RANBP17: variants seen among roughly 807,000 people sequenced by gnomAD.
RANBP17 encodes ran-binding protein 17.
In RANBP17, 158 loss-of-function variants were observed where a neutral mutation model predicts 141.2. The ratio of observed to expected loss-of-function variants is 1.12; its 90% CI spans 0.98 to 1.28. The LOEUF (loss-of-function observed/expected upper bound fraction) is 1.28, where lower values mean the gene tolerates loss of function less well. RANBP17 is among the 50% of genes most tolerant of loss of function. The probability of loss-of-function intolerance (pLI) is 0.00; values close to 1 mark genes in which losing one functional copy is unlikely to be tolerated. For missense variants in RANBP17, 1,438 were observed against 1,290.7 expected (o/e 1.11, Z -1.75); for synonymous variants, 430 against 450.0 (o/e 0.96, Z 0.56).
At chr5:171,157,130 T>C (rs938715876) in intron 14 of RANBP17, among the ~76,000 whole-genome samples, 1 of 152,206 alleles carries the variant, frequency 6.6e-6, no homozygotes, top group Non-Finnish European at 1.5e-5. Flanking sequence ...TCTTCAGCAT[T>C]GGCTGTTGTG....
At chr5:170,973,649 A>G (rs200898436) in intron 14 of RANBP17, among the ~76,000 whole-genome samples, 2 of 25,630 alleles carry the variant, frequency 7.8e-5, no homozygotes, top group African/African-American at 1.4e-4. Flanking sequence ...ACTTCACAGA[A>G]GAAGAAATCA....
chr5:170,923,041 T>C (rs1316095835), intron 11 of RANBP17, among the ~76,000 whole-genome samples: 1 of 152,208 alleles, frequency 6.6e-6, no homozygotes, highest in Non-Finnish European at 1.5e-5. Flanking sequence ...ATTTTTTCTT[T>C]TATGTATTAT....
At position 171,296,066 on chromosome 5, in the gene RANBP17, G is replaced by A. The variant is rs368780187; in HGVS notation, c.3170+52G>A. ...TGGGGGAAGTAGACATTCCAGGTTT[G>A]TTGAAAATAACTCTCTCGTGCTTGA... On this transcript the variant is annotated intron_variant, in intron 27 of 27. Transcript: ENST00000523189. The A allele has an allele frequency of 4.4e-6, 7 of 1,579,584 alleles. No homozygotes were observed. The African/African-American group carries it at 9.4e-5, about 21-fold the overall frequency.
At chr5:171,052,721 A>T (rs191777459) in intron 14 of RANBP17, among the ~76,000 whole-genome samples, 1 of 152,310 alleles carries the variant, frequency 6.6e-6, no homozygotes, top group East Asian at 1.9e-4. Flanking sequence ...ATTGCAAATG[A>T]ATTTGAACAT....
intron 24 of RANBP17, among the ~76,000 whole-genome samples, chr5:171,247,994 A>T (rs1459525995): frequency 6.6e-6 from 1 of 152,220 alleles, no homozygotes; most frequent in East Asian, 1.9e-4. Context: ...CCTCTCCCAA[A>T]AGAAGAACCA....
rs1772751548 is a variant in RANBP17 at position 170,924,484 on chromosome 5, G to T, written c.1402G>T (p.Ala468Ser). 6.2e-7 allele frequency: 1 copy of T among 1,613,140 alleles called. No individual in the cohort carries two copies. The highest frequency in any genetic ancestry group is 1.3e-5 in the African/African-American group (1 of 75,028). Reference sequence around the variant, plus strand: ...TCTTGTGCAGTTATTCGACCAAAATGCACAGAATTACCAAAAACTTCTGCA... The same window carrying T: ...TCTTGTGCAGTTATTCGACCAAAATTCACAGAATTACCAAAAACTTCTGCA... ...ALLVQLFDQN[A>S]QNYQKLLHPY... Residue 468 changes from alanine (A) to serine (S), a missense_variant, in exon 12 of 28, where the codon GCA becomes TCA. Transcript: ENST00000523189.
intron 1 of RANBP17, among the ~76,000 whole-genome samples, chr5:170,875,298 T>C (rs531678883): frequency 1.3e-5 from 2 of 152,264 alleles, no homozygotes; most frequent in African/African-American, 4.8e-5. Flanking sequence ...ATCTAATGAT[T>C]ATGTGTCTTG....
chr5:170,960,468 A>G (rs1776050475), intron 13 of RANBP17, among the ~76,000 whole-genome samples: 1 of 152,164 alleles, frequency 6.6e-6, no homozygotes, highest in Non-Finnish European at 1.5e-5. Context: ...TCTCTTCATC[A>G]TACACTCAGT....
intron 14 of RANBP17, chr5:171,161,609 A>G (rs1426724590): frequency 1.1e-5 from 2 of 175,718 alleles, no homozygotes; most frequent in African/African-American, 4.7e-5. Flanking sequence ...CTTTTTATGC[A>G]TTATATAATT....
intron 25 of RANBP17, among the ~76,000 whole-genome samples, chr5:171,281,983 A>G (rs1240324139): frequency 6.6e-6 from 1 of 152,186 alleles, no homozygotes; most frequent in East Asian, 1.9e-4. Context: ...CTGAAAACAA[A>G]TTGACAGAAA....
intron 16 of RANBP17, among the ~76,000 whole-genome samples, chr5:171,174,383 G>C (rs1446091714): frequency 6.6e-6 from 1 of 152,072 alleles, no homozygotes; most frequent in Admixed American, 6.6e-5. Flanking sequence ...TTTAGTTTCT[G>C]TCTAAATGGG....
At chr5:171,270,797 G>A (rs756649923) in intron 25 of RANBP17, among the ~76,000 whole-genome samples, 1 of 152,078 alleles carries the variant, frequency 6.6e-6, no homozygotes, top group Admixed American at 6.6e-5. Context: ...CAGAATTCCA[G>A]TTAAAACTAA....
rs1006068164 is a variant in RANBP17 at position 171,072,346 on chromosome 5, G to C, written c.1711-97784G>C. Among the ~76,000 whole-genome samples the C allele has an allele frequency of 7.2e-5, 11 of 151,786 alleles. No individual in the cohort carries two copies. In the East Asian group the frequency reaches 1.9e-3, roughly 27 times the overall value. ...ATGTCTGACAAATTTCTAACATGCA[G>C]AACTGTAAGATAGTAAATTTGTATT... On this transcript the variant is annotated intron_variant, in intron 14 of 27. Coordinates refer to ENST00000523189, the MANE Select transcript of RANBP17 (RefSeq NM_022897.5).
At chr5:171,227,528 GC>G (rs1763949724) in intron 22 of RANBP17, among the ~76,000 whole-genome samples, 1 of 152,236 alleles carries the variant, frequency 6.6e-6, no homozygotes. Context: ...ACATCAAAGT[GC>G]AAGGTGAAGC....
intron 12 of RANBP17, among the ~76,000 whole-genome samples, chr5:170,951,383 A>G (rs1297138633): frequency 1.3e-5 from 2 of 152,136 alleles, no homozygotes; most frequent in South Asian, 2.1e-4. Context: ...AATAAGATCT[A>G]TACAAACAAT....
At chr5:171,148,613 T>TAGAGAG (rs1303289472) in intron 14 of RANBP17, among the ~76,000 whole-genome samples, 3 of 150,220 alleles carry the variant, frequency 2.0e-5, no homozygotes, top group African/African-American at 4.9e-5. Context: ...TATATATATA[T>TAGAGAG]ATAGAGAGAG....
intron 14 of RANBP17, among the ~76,000 whole-genome samples, chr5:171,032,213 T>C (rs1343398943): frequency 6.6e-6 from 1 of 152,144 alleles, no homozygotes; most frequent in East Asian, 1.9e-4. Flanking sequence ...GCTCCTGCTT[T>C]AATGAATTCC....
In RANBP17 at chr5:171,186,286, A is replaced by G. The variant is rs369638244; in HGVS notation, c.2038+2856A>G. The stretch of plus-strand genomic sequence containing the variant: ...CTGTTTAGTGCAGCCACTTTCATCA[A>G]TGGTCTTAGCTAGATCTTCAGTATA... On this transcript the variant is annotated intron_variant, in intron 18 of 27. Transcript: ENST00000523189. Among the ~76,000 whole-genome samples, 195 of 152,180 alleles carry G rather than the reference A, an allele frequency of 1.3e-3. 9 individuals are homozygous for G. The South Asian group carries it at 0.039, about 30-fold the overall frequency.
chr5:170,920,887 G>A (rs916603776), intron 11 of RANBP17, among the ~76,000 whole-genome samples: 1 of 152,138 alleles, frequency 6.6e-6, no homozygotes, highest in African/African-American at 2.4e-5. Flanking sequence ...CTGCATAAAT[G>A]TCTTCTTTTG....
Sources: gnomAD v4.1 joint callset for allele counts (sites outside exome capture counted in the v4.1 genomes callset) on GRCh38, gnomAD v4.1.1 for gene constraint, MANE v1.5 for transcripts, NCBI Gene and HGNC (gene_info 2026-07-23, HGNC 2026-07-21) for gene names.